The following PLCL1 variants were observed in gnomAD, a reference collection of about 807,000 sequenced individuals.
The protein encoded by PLCL1 is phospholipase C like 1 (inactive).
Under a neutral mutation model 84.4 loss-of-function variants are expected in PLCL1, and 41 were observed. The ratio of observed to expected loss-of-function variants is 0.49; its 90% CI spans 0.38 to 0.63. The LOEUF (loss-of-function observed/expected upper bound fraction) is 0.63, where lower values mean the gene tolerates loss of function less well. Among genes scored for constraint, PLCL1 ranks in the 30% least tolerant of loss-of-function variants. The pLI is 0.00. For synonymous variants in PLCL1, 490 were observed against 488.3 expected (o/e 1.00, Z -0.05); for missense variants, 1,206 against 1,367.8 (o/e 0.88, Z 1.87).
At chr2:197,938,881 C>T (rs1689099091) in intron 1 of PLCL1, among the ~76,000 whole-genome samples, 1 of 152,066 alleles carries the variant, frequency 6.6e-6, no homozygotes, top group South Asian at 2.1e-4. Context: ...TTTCATTAAT[C>T]TCAAGTGGAG....
intron 3 of PLCL1, among the ~76,000 whole-genome samples, chr2:198,100,793 T>C (rs1028118370): frequency 2.6e-5 from 4 of 151,888 alleles, no homozygotes; most frequent in African/African-American, 7.3e-5. Flanking sequence ...AGATACTTCA[T>C]TTTTTTGGTG....
At chr2:198,141,671 G>C (rs938658777) in intron 5 of PLCL1, among the ~76,000 whole-genome samples, 1 of 152,054 alleles carries the variant, frequency 6.6e-6, no homozygotes. Flanking sequence ...TCCACAGTAT[G>C]GTCCATCAAT....
chr2:197,897,800 A>G (rs755138191), intron 1 of PLCL1, among the ~76,000 whole-genome samples: 1 of 152,194 alleles, frequency 6.6e-6, no homozygotes, highest in Admixed American at 6.5e-5. Flanking sequence ...GAATTTTCAC[A>G]TATGTCAGAT....
chr2:197,933,368 A>AT (rs931267060), intron 1 of PLCL1, among the ~76,000 whole-genome samples: 2 of 144,884 alleles, frequency 1.4e-5, no homozygotes, highest in African/African-American at 5.2e-5. Context: ...GGTTCACGCC[A>AT]TTTTCCTGCC....
intron 5 of PLCL1, among the ~76,000 whole-genome samples, chr2:198,112,192 T>TC (rs1221512772): frequency 6.6e-6 from 1 of 152,020 alleles, no homozygotes; most frequent in African/African-American, 2.4e-5. Flanking sequence ...TTTTTATTTG[T>TC]CCATCTCCTA....
intron 1 of PLCL1, among the ~76,000 whole-genome samples, chr2:197,902,940 G>A (rs1192511459): frequency 6.6e-6 from 1 of 152,120 alleles, no homozygotes; most frequent in Non-Finnish European, 1.5e-5. Context: ...TTGATACACT[G>A]TACAAAATAT....
intron 1 of PLCL1, among the ~76,000 whole-genome samples, chr2:197,906,709 C>T (rs1278932700): frequency 1.3e-5 from 2 of 152,110 alleles, no homozygotes; most frequent in Non-Finnish European, 2.9e-5. Flanking sequence ...GAATGTTTTT[C>T]CATTTGTTTG....
chr2:197,901,879 G>T (rs1335845929), intron 1 of PLCL1, among the ~76,000 whole-genome samples: 1 of 152,048 alleles, frequency 6.6e-6, no homozygotes, highest in Non-Finnish European at 1.5e-5. Context: ...CTCTCATTTC[G>T]ACTCCAAGTG....
At chr2:197,988,166 T>A (rs796878667) in intron 1 of PLCL1, among the ~76,000 whole-genome samples, 4 of 152,326 alleles carry the variant, frequency 2.6e-5, no homozygotes, top group African/African-American at 9.6e-5. Flanking sequence ...GAATTGACGG[T>A]GGGACCTACC....
chr2:198,050,223 T>C (rs1303676896), intron 1 of PLCL1, among the ~76,000 whole-genome samples: 2 of 152,164 alleles, frequency 1.3e-5, no homozygotes, highest in Non-Finnish European at 2.9e-5. Flanking sequence ...CGAGGCCTGT[T>C]TTTTTTCTGT....
At chr2:197,942,399 A>G (rs1476207088) in intron 1 of PLCL1, among the ~76,000 whole-genome samples, 2 of 152,024 alleles carry the variant, frequency 1.3e-5, no homozygotes, top group East Asian at 1.9e-4. Context: ...TTCTTTCCCC[A>G]CCAAACTTCC....
intron 1 of PLCL1, among the ~76,000 whole-genome samples, chr2:197,964,377 T>A (rs1239101174): frequency 1.3e-5 from 2 of 152,118 alleles, no homozygotes; most frequent in East Asian, 3.8e-4. Flanking sequence ...ATGGGATTGC[T>A]TCATTGATTT....
chr2:198,091,982 C>T (rs989047548), intron 3 of PLCL1, among the ~76,000 whole-genome samples: 1 of 151,586 alleles, frequency 6.6e-6, no homozygotes, highest in Non-Finnish European at 1.5e-5. Flanking sequence ...ACTGCCTCTC[C>T]CAACCTCACC....
rs1314450144 is a variant in PLCL1, at chr2:197,981,038, A to G, written c.241-102720A>G. Among the ~76,000 whole-genome samples the G allele has an allele frequency of 5.3e-5, 8 of 152,306 alleles. No individual in the cohort carries two copies. In the East Asian group the frequency reaches 1.5e-3, roughly 29 times the overall value. On this transcript the variant is annotated intron_variant, in intron 1 of 5. Coordinates refer to ENST00000428675, the MANE Select transcript of PLCL1 (RefSeq NM_006226.4). ...ATGGCTAAACTGCAGTTACTTTTGT[A>G]CCAATCTAATAAAACCTTCTTCTTT...
chr2:198,014,177 A>C (rs1217460991), intron 1 of PLCL1, among the ~76,000 whole-genome samples: 1 of 152,170 alleles, frequency 6.6e-6, no homozygotes, highest in African/African-American at 2.4e-5. Flanking sequence ...TGTGCTACAC[A>C]TGAGGACATG....
chr2:197,836,462 A>G (rs1026048596), intron 1 of PLCL1, among the ~76,000 whole-genome samples: 1 of 150,816 alleles, frequency 6.6e-6, no homozygotes, highest in Non-Finnish European at 1.5e-5. Flanking sequence ...AAAAAAAAAA[A>G]AAAAAAAAAA....
At chr2:197,894,286 A>G (rs1216323060) in intron 1 of PLCL1, among the ~76,000 whole-genome samples, 1 of 151,986 alleles carries the variant, frequency 6.6e-6, no homozygotes, top group Admixed American at 6.6e-5. Context: ...GCCAGCCTAC[A>G]GTGCCTGTCA....
intron 1 of PLCL1, among the ~76,000 whole-genome samples, chr2:198,055,259 T>C (rs1407397308): frequency 6.8e-6 from 1 of 146,508 alleles, no homozygotes; most frequent in Non-Finnish European, 1.5e-5. Context: ...CTTAAACCCA[T>C]AATATTCACA....
At chr2:198,038,876 C>T (rs1691601343) in intron 1 of PLCL1, among the ~76,000 whole-genome samples, 1 of 149,286 alleles carries the variant, frequency 6.7e-6, no homozygotes, top group African/African-American at 2.5e-5. Context: ...AAAGAGTTCA[C>T]TCAATTTTTT....
Sources: gnomAD v4.1 joint callset for allele counts (sites outside exome capture counted in the v4.1 genomes callset) on GRCh38, gnomAD v4.1.1 for gene constraint, MANE v1.5 for transcripts, NCBI Gene and HGNC (gene_info 2026-07-23, HGNC 2026-07-21) for gene names.